DIP2C: variants seen among roughly 807,000 people sequenced by gnomAD.
DIP2C encodes the protein DIP2 acetate--CoA ligase C (putative).
DIP2C carries 33 observed loss-of-function variants against 192.4 expected under a neutral mutation model. The ratio of observed to expected loss-of-function variants is 0.17; its 90% CI spans 0.13 to 0.23. The LOEUF (loss-of-function observed/expected upper bound fraction) is 0.23. Ranked by LOEUF, DIP2C falls within the 10% of genes least tolerant of loss-of-function variation. DIP2C has a pLI of 1.00. For missense variants in DIP2C, 1,537 were observed against 2,110.1 expected (o/e 0.73, Z 5.32); for synonymous variants, 979 against 864.1 (o/e 1.13, Z -2.33).
At chr10:488,222 A>G (rs1035636258) in intron 1 of DIP2C, among the ~76,000 whole-genome samples, 1 of 152,142 alleles carries the variant, frequency 6.6e-6, no homozygotes, top group South Asian at 2.1e-4. Context: ...TTTTCCCCCA[A>G]ACCAGGGTCT....
intron 6 of DIP2C, 99 bp from the exon 7 acceptor site, chr10:415,987 C>T: frequency 6.4e-7 from 1 of 1,555,352 alleles, no homozygotes; most frequent in South Asian, 1.2e-5. Context: ...AGCGCGGCTA[C>T]AACAGGCTGC....
chr10:620,657 C>CA (rs1294837508), intron 1 of DIP2C, among the ~76,000 whole-genome samples: 3 of 152,106 alleles, frequency 2.0e-5, no homozygotes, highest in African/African-American at 7.2e-5. Context: ...GATCAGGATA[C>CA]AAAAAAATGA....
At chr10:520,365 G>C (rs1391072698) in intron 1 of DIP2C, among the ~76,000 whole-genome samples, 1 of 152,336 alleles carries the variant, frequency 6.6e-6, no homozygotes, top group Admixed American at 6.5e-5. Flanking sequence ...CCTGCAGAAA[G>C]TTACTAGACA....
At chr10:338,696 C>T (rs1482965035) in intron 29 of DIP2C, among the ~76,000 whole-genome samples, 8 of 152,306 alleles carry the variant, frequency 5.3e-5, no homozygotes, top group East Asian at 1.9e-4. Flanking sequence ...ATTCCCCACA[C>T]GGAGCCGATC....
intron 1 of DIP2C, among the ~76,000 whole-genome samples, chr10:509,722 C>T (rs938433932): frequency 6.6e-5 from 10 of 152,100 alleles, no homozygotes; most frequent in African/African-American, 2.4e-4. Flanking sequence ...AGAGAAGGGC[C>T]GACAAACCCC....
chr10:298,630 G>A (rs1260371896), intron 32 of DIP2C, among the ~76,000 whole-genome samples: 6 of 152,340 alleles, frequency 3.9e-5, no homozygotes, highest in African/African-American at 7.2e-5. Flanking sequence ...ATGGGCAGCC[G>A]TCTGACAGAG....
chr10:344,741 G>T, intron 28 of DIP2C, 68 bp downstream of exon 28: 1 of 1,354,654 alleles, frequency 7.4e-7, no homozygotes. Flanking sequence ...GAGCCAGCAC[G>T]TGACCTGCCA....
At chr10:559,456 C>T (rs963686573) in intron 1 of DIP2C, among the ~76,000 whole-genome samples, 2 of 152,162 alleles carry the variant, frequency 1.3e-5, no homozygotes, top group East Asian at 3.9e-4. Context: ...AGCCCAGGGC[C>T]TGGACTCCTC....
chr10:550,858 GGGACT>G (rs1350124806), intron 1 of DIP2C, among the ~76,000 whole-genome samples: 1 of 152,242 alleles, frequency 6.6e-6, no homozygotes, highest in Non-Finnish European at 1.5e-5. Context: ...AGGCCTGGCC[GGGACT>G]GAGAAGGTCA....
chr10:348,019 C>T (rs1288987898), intron 26 of DIP2C, among the ~76,000 whole-genome samples: 3 of 151,544 alleles, frequency 2.0e-5, no homozygotes, highest in Admixed American at 6.6e-5. Flanking sequence ...AAACCCCAGA[C>T]GCGTCGCGCA....
At chr10:621,150 G>A (rs138724065) in intron 1 of DIP2C, among the ~76,000 whole-genome samples, 1 of 152,300 alleles carries the variant, frequency 6.6e-6, no homozygotes, top group Non-Finnish European at 1.5e-5. Flanking sequence ...CACAGGCACA[G>A]GGCCGCCCGA....
intron 1 of DIP2C, chr10:662,230 G>T: frequency 1.5e-6 from 1 of 656,514 alleles, no homozygotes; most frequent in Non-Finnish European, 2.8e-6. Flanking sequence ...TCATTCCTGG[G>T]TTCCTAGCTC....
intron 22 of DIP2C, among the ~76,000 whole-genome samples, chr10:362,226 C>G (rs1959622889): frequency 6.6e-6 from 1 of 152,202 alleles, no homozygotes; most frequent in African/African-American, 2.4e-5. Flanking sequence ...TGAGCTTTTG[C>G]TACGGGAGAA....
intron 1 of DIP2C, among the ~76,000 whole-genome samples, chr10:660,852 G>C (rs1856713913): frequency 6.6e-6 from 1 of 152,168 alleles, no homozygotes; most frequent in African/African-American, 2.4e-5. Flanking sequence ...GTGGCCGAGA[G>C]CTCCTATAAC....
At chr10:506,665 G>A (rs909539639) in intron 1 of DIP2C, among the ~76,000 whole-genome samples, 1 of 152,222 alleles carries the variant, frequency 6.6e-6, no homozygotes, top group African/African-American at 2.4e-5. Context: ...CCTGCAGTCT[G>A]CAGCTGCCTC....
Position 276,402 on chromosome 10 carries a change from A to G in DIP2C, c.*923T>C, listed in dbSNP as rs1954520169. 1 of 152,642 alleles carries G rather than the reference A, an allele frequency of 6.6e-6. No homozygotes were observed. Among genetic ancestry groups the G allele is most frequent in the South Asian group, 2.1e-4 (1 of 4,822 alleles). The allele number at this position is 152,642 out of a possible 1,614,324, so 9.5% of individuals were successfully genotyped here. A position where few individuals can be genotyped will look rare whatever the true frequency, so the allele number is the denominator to read the frequency against. On this transcript the variant is annotated 3_prime_UTR_variant, in exon 37 of 37. Transcript: ENST00000280886. ...ACGGGGGGCACACCATGCAAGTGAC[A>G]AGTTCTGCATCTTAAACTTTAAAAT...
intron 1 of DIP2C, among the ~76,000 whole-genome samples, chr10:563,450 T>C (rs561689995): frequency 2.0e-5 from 3 of 152,336 alleles, no homozygotes; most frequent in South Asian, 4.1e-4. Flanking sequence ...TGAGTCTTCA[T>C]GAGAAAGTGA....
At chr10:538,779 T>A (rs1847830487) in intron 1 of DIP2C, among the ~76,000 whole-genome samples, 1 of 152,210 alleles carries the variant, frequency 6.6e-6, no homozygotes, top group African/African-American at 2.4e-5. Context: ...TACCTATTAA[T>A]ACTATCACAA....
At chr10:325,214 C>G (rs1282013233) in intron 31 of DIP2C, among the ~76,000 whole-genome samples, 3 of 151,594 alleles carry the variant, frequency 2.0e-5, no homozygotes, top group Non-Finnish European at 4.4e-5. Context: ...GCAGTGAGCC[C>G]AGATCACGGC....
Sources: gnomAD v4.1 joint callset for allele counts (sites outside exome capture counted in the v4.1 genomes callset) on GRCh38, gnomAD v4.1.1 for gene constraint, MANE v1.5 for transcripts, NCBI Gene and HGNC (gene_info 2026-07-23, HGNC 2026-07-21) for gene names.